Variants in FBN2 observed in about 807,000 individuals in gnomAD.
The protein encoded by FBN2 is fibrillin 2.
A neutral mutation model predicts 355.6 loss-of-function variants in FBN2; 105 were observed. The ratio of observed to expected loss-of-function variants is 0.30; its 90% confidence interval spans 0.25 to 0.35. The LOEUF (loss-of-function observed/expected upper bound fraction) is 0.35. FBN2 is among the 10% of genes least tolerant of loss of function. The probability of loss-of-function intolerance (pLI) is 1.00; values close to 1 mark genes in which losing one functional copy is unlikely to be tolerated. For missense variants in FBN2, 3,280 were observed against 3,758.7 expected, an observed-to-expected ratio of 0.87 and a Z score of 3.33; for synonymous variants, 1,350 against 1,301.2, an observed-to-expected ratio of 1.04 and a Z score of -0.81.
rs914204879 is a variant in FBN2, at chr5:128,273,066, G to A, written c.7840+774C>T. ...TCCAAATCATATATTTCTAAGAATA[G>A]TTAATGTTAAAAGGGTGATTAAAAT... On this transcript the variant is annotated intron_variant, in intron 61 of 64. Coordinates refer to ENST00000262464, the MANE Select transcript of FBN2 (RefSeq NM_001999.4). 3.9e-5 allele frequency among the ~76,000 whole-genome samples: 6 copies of A among 152,170 alleles called. 1 individual carries two copies. Among genetic ancestry groups the A allele is most frequent in the African/African-American group, 1.4e-4 (6 of 41,512 alleles).
intron 34 of FBN2, chr5:128,328,113 A>T (rs1312876226): frequency 6.0e-6 from 1 of 167,482 alleles, no homozygotes; most frequent in African/African-American, 2.4e-5. Flanking sequence ...ATTTAATAGA[A>T]AATCCAAATT....
chr5:128,328,492 T>C (rs1232268111), intron 34 of FBN2: 16 of 666,630 alleles, frequency 2.4e-5, no homozygotes, highest in Admixed American at 4.4e-5. Context: ...TACTGGCTCT[T>C]GGCCAGGAAA....
chr5:128,301,327 T>C, intron 47 of FBN2, 55 bp downstream of exon 47: 1 of 1,461,146 alleles, frequency 6.8e-7, no homozygotes, highest in Non-Finnish European at 9.6e-7. Context: ...GAGGCACATA[T>C]CATCATTTTA....
Position 128,364,564 on chromosome 5 carries a change from T to G in FBN2, c.2428+36A>C. ...ATATAATCCATGGGATTAAACTATA[T>G]GAAATGTTCTTGCATAAATATAACA... On this transcript the variant is annotated intron_variant, in intron 18 of 64. Transcript: ENST00000262464. The G allele has an allele frequency of 1.9e-6, 3 of 1,596,058 alleles. No individual in the cohort carries two copies. In the South Asian group the frequency reaches 3.3e-5, roughly 18 times the overall value.
chr5:128,486,324 A>T (rs746906034), intron 5 of FBN2, among the ~76,000 whole-genome samples: 1 of 152,212 alleles, frequency 6.6e-6, no homozygotes, highest in Admixed American at 6.5e-5. Context: ...AATGGAACAC[A>T]ATATGACAAA....
chr5:128,519,376 C>A lies in FBN2; in HGVS notation c.533-8G>T, dbSNP rs1581366538. On this transcript the variant is annotated splice_polypyrimidine_tract_variant and splice_region_variant and intron_variant, in intron 4 of 64. Transcript: ENST00000262464. ...ATCCATTTTCACAGACAGCTGCATACAAAAATAGCAAGAAGCTCATTATAT... is the reference window on the plus strand; with the variant it reads ...ATCCATTTTCACAGACAGCTGCATAAAAAAATAGCAAGAAGCTCATTATAT... The A allele has an allele frequency of 1.2e-6, 2 of 1,610,720 alleles. No homozygotes were observed. Among genetic ancestry groups the A allele is most frequent in the South Asian group, 1.1e-5 (1 of 90,980 alleles).
chr5:128,497,593 C>T (rs1245339115), intron 5 of FBN2, among the ~76,000 whole-genome samples: 5 of 152,122 alleles, frequency 3.3e-5, no homozygotes, highest in East Asian at 1.9e-4. Context: ...AAAGTATAGT[C>T]GATCTAGACT....
At chr5:128,302,217 A>G (rs989918855) in intron 46 of FBN2, among the ~76,000 whole-genome samples, 4 of 152,340 alleles carry the variant, frequency 2.6e-5, no homozygotes, top group East Asian at 1.9e-4. Context: ...TAGTCCCACA[A>G]TGGTAGAAAA....
intron 8 of FBN2, among the ~76,000 whole-genome samples, chr5:128,406,770 A>T (rs1482089569): frequency 6.6e-6 from 1 of 152,168 alleles, no homozygotes; most frequent in African/African-American, 2.4e-5. Context: ...TATTTCTGGA[A>T]TGTTCCATCT....
Position 128,486,427 on chromosome 5 carries a change from G to A in FBN2, c.629-21506C>T, listed in dbSNP as rs567080853. On this transcript the variant is annotated intron_variant, in intron 5 of 64. Transcript: ENST00000262464. ...TTACCATATTAATATTTAAATGGAAGACAGAAAAATATTCAAAATAATGTC... is the reference window on the plus strand; with the variant it reads ...TTACCATATTAATATTTAAATGGAAAACAGAAAAATATTCAAAATAATGTC... Among the ~76,000 whole-genome samples, 3 of 152,224 alleles carry A rather than the reference G, an allele frequency of 2.0e-5. No homozygotes were observed. In the South Asian group the frequency reaches 6.2e-4, roughly 32 times the overall value.
chr5:128,442,104 A>C (rs765434056), intron 7 of FBN2: 1 of 326,784 alleles, frequency 3.1e-6, no homozygotes, highest in Non-Finnish European at 6.0e-6. Context: ...CATGAGCCTA[A>C]ATAAATATAT....
At chr5:128,415,946 T>C (rs1023248251) in intron 7 of FBN2, among the ~76,000 whole-genome samples, 14 of 152,184 alleles carry the variant, frequency 9.2e-5, no homozygotes, top group Non-Finnish European at 2.9e-5. Flanking sequence ...ATGTCTCTCA[T>C]GATTAGTAAT....
intron 5 of FBN2, among the ~76,000 whole-genome samples, chr5:128,487,136 T>C (rs1755359758): frequency 6.6e-6 from 1 of 152,136 alleles, no homozygotes; most frequent in Non-Finnish European, 1.5e-5. Flanking sequence ...CACAGAAGTG[T>C]CACTTCCAGG....
intron 55 of FBN2, among the ~76,000 whole-genome samples, chr5:128,283,224 A>G (rs1286982419): frequency 6.6e-6 from 1 of 152,226 alleles, no homozygotes; most frequent in East Asian, 1.9e-4. Context: ...CTTTCATCTT[A>G]AAACAATACA....
chr5:128,531,525 A>C (rs984366565), intron 2 of FBN2, among the ~76,000 whole-genome samples: 1 of 152,158 alleles, frequency 6.6e-6, no homozygotes, highest in Non-Finnish European at 1.5e-5. Context: ...TATTCGTGCA[A>C]CTAAATACTA....
intron 6 of FBN2, among the ~76,000 whole-genome samples, chr5:128,457,863 A>C (rs1283716284): frequency 6.6e-6 from 1 of 152,138 alleles, no homozygotes; most frequent in Non-Finnish European, 1.5e-5. Flanking sequence ...AACAAAAAAC[A>C]AAATATAAAG....
rs1752096347 is a variant in FBN2, at chr5:128,376,976, T to A, written c.1850-123A>T. 6 of 1,232,798 alleles carry A rather than the reference T, an allele frequency of 4.9e-6. No individual in the cohort carries two copies. The East Asian group carries it at 1.4e-4, about 29-fold the overall frequency. 76.4% of individuals were successfully genotyped at this position (1,232,798 alleles called of 1,614,324 possible). A position where few individuals can be genotyped will look rare whatever the true frequency, so the allele number is the denominator to read the frequency against. ...TGAGCCATGTGCTCATGGCTTTTAG[T>A]TTTTTTTAAAAAAAGAACGCCAACT... On this transcript the variant is annotated intron_variant, in intron 13 of 64. Coordinates refer to ENST00000262464, the MANE Select transcript of FBN2 (RefSeq NM_001999.4).
At chr5:128,361,907 C>A in intron 18 of FBN2, 59 bp from the exon 19 acceptor site, 1 of 1,521,402 alleles carries the variant, frequency 6.6e-7, no homozygotes. Flanking sequence ...TTACAGTGGG[C>A]AGCAATGTTT....
chr5:128,388,015 T>A (rs1752412459), intron 11 of FBN2, among the ~76,000 whole-genome samples: 1 of 152,242 alleles, frequency 6.6e-6, no homozygotes, highest in African/African-American at 2.4e-5. Context: ...GTTTTATGAA[T>A]CTGGATGCTC....
Sources: gnomAD v4.1 joint callset for allele counts (sites outside exome capture counted in the v4.1 genomes callset) on GRCh38, gnomAD v4.1.1 for gene constraint, MANE v1.5 for transcripts, NCBI Gene and HGNC (gene_info 2026-07-23, HGNC 2026-07-21) for gene names.